The following LRBA variants were observed in gnomAD, a reference collection of about 807,000 sequenced individuals.
LRBA encodes the protein LPS responsive beige-like anchor protein.
Under a neutral mutation model 330.0 loss-of-function variants are expected in LRBA, and 176 were observed. That is an observed-to-expected ratio of 0.53 (90% CI 0.47 to 0.60). LRBA has a LOEUF of 0.60. Among genes scored for constraint, LRBA ranks in the 20% least tolerant of loss-of-function variants. LRBA has a pLI of 0.00. For missense variants in LRBA, 3,259 were observed against 3,444.8 expected (o/e 0.95, Z 1.35); for synonymous variants, 1,230 against 1,193.0 (o/e 1.03, Z -0.64).
intron 40 of LRBA, among the ~76,000 whole-genome samples, chr4:150,573,289 G>A (rs1247861319): frequency 2.0e-5 from 3 of 152,104 alleles, no homozygotes; most frequent in African/African-American, 4.8e-5. Flanking sequence ...CTTAAGCCAC[G>A]CTACTCATAA....
At chr4:150,356,248 A>G (rs1737829641) in intron 47 of LRBA, among the ~76,000 whole-genome samples, 1 of 152,084 alleles carries the variant, frequency 6.6e-6, no homozygotes, top group Non-Finnish European at 1.5e-5. Context: ...TCTAAGATGT[A>G]AAGTCCAAAA....
chr4:150,838,460 T>G (rs908940418), intron 28 of LRBA, among the ~76,000 whole-genome samples: 5 of 152,198 alleles, frequency 3.3e-5, no homozygotes, highest in African/African-American at 1.2e-4. Context: ...TTTCACATAG[T>G]CCCATATTTC....
intron 28 of LRBA, among the ~76,000 whole-genome samples, chr4:150,838,382 G>C (rs148279455): frequency 0.028 from 4,223 of 152,242 alleles, 184 homozygotes; most frequent in African/African-American, 0.096. Flanking sequence ...ATACTGCAGA[G>C]TGTTTTCCAG....
At chr4:150,742,697 G>T (rs1022232827) in intron 35 of LRBA, among the ~76,000 whole-genome samples, 11 of 151,982 alleles carry the variant, frequency 7.2e-5, no homozygotes, top group Admixed American at 6.6e-4. Flanking sequence ...AGACAAGCCT[G>T]GGTAAAATAA....
At chr4:150,431,324 T>C (rs1477426393) in intron 46 of LRBA, among the ~76,000 whole-genome samples, 2 of 152,222 alleles carry the variant, frequency 1.3e-5, no homozygotes, top group East Asian at 1.9e-4. Context: ...TGTTTATTTT[T>C]AGATGAAGTA....
At chr4:150,758,540 T>C (rs1734622866) in intron 35 of LRBA, among the ~76,000 whole-genome samples, 1 of 151,766 alleles carries the variant, frequency 6.6e-6, no homozygotes, top group Non-Finnish European at 1.5e-5. Flanking sequence ...TAACCAGAAT[T>C]ACTACAATAG....
intron 2 of LRBA, among the ~76,000 whole-genome samples, chr4:150,941,153 T>A (rs991184322): frequency 6.6e-6 from 1 of 152,100 alleles, no homozygotes; most frequent in African/African-American, 2.4e-5. Flanking sequence ...ATGGAATGAC[T>A]TAAAAATATA....
chr4:151,002,692 G>T (rs937141146), intron 2 of LRBA, among the ~76,000 whole-genome samples: 9 of 151,310 alleles, frequency 5.9e-5, no homozygotes, highest in African/African-American at 1.9e-4. Flanking sequence ...AGAGATAGAT[G>T]ATATTAAAAA....
intron 37 of LRBA, among the ~76,000 whole-genome samples, chr4:150,630,007 C>T (rs11099772): frequency 0.71 from 107,885 of 152,078 alleles, 45,048 homozygotes; most frequent in Non-Finnish European, 0.91. Flanking sequence ...TATTGCAAAC[C>T]CAGCTCCCTT....
In LRBA at chr4:150,768,927, C is replaced by CTT. The variant is rs70941440; in HGVS notation, c.5581-7082_5581-7081dup. Among the ~76,000 whole-genome samples, 333 of 75,066 alleles carry CTT rather than the reference C, an allele frequency of 4.4e-3. 65 individuals are homozygous for CTT. Among genetic ancestry groups the CTT allele is most frequent in the African/African-American group, 0.015 (287 of 19,702 alleles). The allele number at this position is 75,066 out of a possible 152,430, so 49.2% of individuals were successfully genotyped here. A position where few individuals can be genotyped will look rare whatever the true frequency, so the allele number is the denominator to read the frequency against. On this transcript the variant is annotated intron_variant, in intron 34 of 56. Transcript: ENST00000651943. ...TAGGGATTTTATCAAGTGCTGTCTC[C>CTT]TTTTTTTTTTTTTTTTTTTTTTTTT...
chr4:150,658,980 A>G (rs1780652571), intron 37 of LRBA, among the ~76,000 whole-genome samples: 1 of 88,364 alleles, frequency 1.1e-5, no homozygotes, highest in African/African-American at 3.3e-5. Flanking sequence ...CGGCCTCCCG[A>G]GGTGCCGGGA....
intron 17 of LRBA, among the ~76,000 whole-genome samples, chr4:150,877,257 C>CAA (rs796849728): frequency 7.3e-5 from 6 of 81,764 alleles, no homozygotes; most frequent in South Asian, 9.0e-4. Context: ...GACTCCGTAT[C>CAA]AAAAAAAAAA....
intron 41 of LRBA, among the ~76,000 whole-genome samples, chr4:150,488,073 T>C (rs1758104938): frequency 1.3e-5 from 2 of 151,620 alleles, no homozygotes; most frequent in Non-Finnish European, 3.0e-5. Flanking sequence ...TTAGGTGTTA[T>C]AACAGTTGAT....
intron 2 of LRBA, among the ~76,000 whole-genome samples, chr4:151,002,121 T>G (rs1317427546): frequency 1.4e-5 from 2 of 138,962 alleles, no homozygotes; most frequent in African/African-American, 5.4e-5. Flanking sequence ...TGAAAGCAAG[T>G]TCAAATAATT....
chr4:150,522,949 G>C (rs928975295), intron 40 of LRBA, among the ~76,000 whole-genome samples: 1 of 152,184 alleles, frequency 6.6e-6, no homozygotes, highest in Non-Finnish European at 1.5e-5. Flanking sequence ...GCACCCACTA[G>C]AGCAATGTCT....
intron 26 of LRBA, among the ~76,000 whole-genome samples, chr4:150,845,050 A>G (rs1258749332): frequency 6.6e-6 from 1 of 152,224 alleles, no homozygotes; most frequent in Non-Finnish European, 1.5e-5. Context: ...AAATCAGTTC[A>G]GGAATCTTAA....
chr4:150,950,638 G>A (rs1736732101), intron 2 of LRBA, among the ~76,000 whole-genome samples: 1 of 151,988 alleles, frequency 6.6e-6, no homozygotes, highest in Non-Finnish European at 1.5e-5. Flanking sequence ...TATGTAGGGA[G>A]ATTTATCAGA....
intron 47 of LRBA, among the ~76,000 whole-genome samples, chr4:150,374,206 A>G (rs1369773473): frequency 1.3e-5 from 2 of 152,172 alleles, no homozygotes; most frequent in Non-Finnish European, 2.9e-5. Flanking sequence ...TGTGGCAGAG[A>G]CTGCTGTTTT....
At chr4:150,698,010 T>G (rs192724356) in intron 36 of LRBA, among the ~76,000 whole-genome samples, 1 of 152,200 alleles carries the variant, frequency 6.6e-6, no homozygotes, top group African/African-American at 2.4e-5. Flanking sequence ...AGAAGGAAAC[T>G]ATTTTTATCA....
Sources: allele counts gnomAD v4.1 joint callset (sites outside exome capture counted in the v4.1 genomes callset), GRCh38; gene constraint gnomAD v4.1.1; transcripts MANE v1.5; gene names NCBI Gene and HGNC (gene_info 2026-07-23, HGNC 2026-07-21).